MYO9B: variants seen among roughly 807,000 people sequenced by gnomAD.
The protein encoded by MYO9B is unconventional myosin-IXb.
MYO9B carries 71 observed loss-of-function variants against 229.5 expected under a neutral mutation model. The ratio of observed to expected loss-of-function variants is 0.31; its 90% CI spans 0.26 to 0.38. The LOEUF is 0.38. Among genes scored for constraint, MYO9B ranks in the 10% least tolerant of loss-of-function variants. The pLI is 1.00. For missense variants in MYO9B, 2,255 were observed against 2,920.5 expected (o/e 0.77, Z 5.25); for synonymous variants, 1,185 against 1,235.8 (o/e 0.96, Z 0.86).
Position 17,194,704 on chromosome 19 carries a change from G to C in MYO9B, c.3277G>C (p.Asp1093His). ...TGAGCAGGGGCCGGAGCCAGCGGAG[G>C]ATGGCGGGCACCTGGCATCGGAGCC... Reference protein sequence around the residue: ...VAEQGPEPAEDGGHLASEPEV... With the variant: ...VAEQGPEPAEHGGHLASEPEV... Residue 1093 changes from aspartate to histidine, a missense_variant, in exon 22 of 40, where the codon GAT (aspartate) becomes CAT (histidine). Around this residue, in one of 7 missense-constraint regions of MYO9B, gnomAD observed 679 missense variants for 770.2 expected, o/e 0.88. Transcript: ENST00000682292. The C allele has an allele frequency of 6.2e-7, 1 of 1,612,926 alleles. No individual in the cohort carries two copies. The highest frequency in any genetic ancestry group is 1.3e-5 in the African/African-American group (1 of 75,062).
In MYO9B at chr19:17,206,368, G is replaced by A. The variant is rs764277555; in HGVS notation, c.5378G>A (p.Arg1793Gln). Reference protein sequence around the residue: ...MTFAQYGDFLRAVELPEKQEQ... With the variant: ...MTFAQYGDFLQAVELPEKQEQ... ...TTCGCACAGTACGGCGACTTCCTCC[G>A]AGCCGTCGGTGAGCCCCATGGCGGT... The change falls in exon 33 of 40, where the codon CGA (arginine) becomes CAA (glutamine). Residue 1793 changes from arginine (R) to glutamine (Q), a missense_variant. Transcript: ENST00000682292. 5 of 1,610,218 alleles carry A rather than the reference G, an allele frequency of 3.1e-6. No individual in the cohort carries two copies. The highest frequency in any genetic ancestry group is 2.2e-5 in the East Asian group (1 of 44,860).
Position 17,193,328 on chromosome 19 carries a change from G to C in MYO9B, c.3128+266G>C, listed in dbSNP as rs891195135. On this transcript the variant is annotated intron_variant, in intron 21 of 39. Coordinates refer to ENST00000682292, the MANE Select transcript of MYO9B (RefSeq NM_004145.4). The surrounding 1 kb of genome is among the most constrained non-coding windows in gnomAD (Gnocchi z 4.3). ...CTGCCCAGGGACTCCCCTGTACCTG[G>C]ATCGGTCAGGGAACACCTGGATTCA... Among the ~76,000 whole-genome samples the C allele has an allele frequency of 5.3e-5, 8 of 152,196 alleles. No individual in the cohort carries two copies.
At chr19:17,183,896 C>A in intron 16 of MYO9B, 28 bp downstream of exon 16, 1 of 1,550,938 alleles carries the variant, frequency 6.4e-7, no homozygotes, top group Non-Finnish European at 8.7e-7. Flanking sequence ...CCCCGCGCGA[C>A]ACGTTCCAAG....
Position 17,086,092 on chromosome 19 carries a change from A to C in MYO9B, c.-59+10218A>C, listed in dbSNP as rs377191469. Among the ~76,000 whole-genome samples, 466 of 152,268 alleles carry C rather than the reference A, an allele frequency of 3.1e-3. 5 individuals carry two copies. The highest frequency in any genetic ancestry group is 0.011 in the African/African-American group (456 of 41,562). The stretch of plus-strand genomic sequence containing the variant: ...ACGTGCTTCCACCAAGGCCCCCCAG[A>C]GTCCATCTGCCACAGATGGTGACAT... On this transcript the variant is annotated intron_variant, in intron 1 of 39. Transcript: ENST00000682292.
chr19:17,204,044 T>G (rs2145500977), intron 30 of MYO9B, among the ~76,000 whole-genome samples: 1 of 152,084 alleles, frequency 6.6e-6, no homozygotes, highest in South Asian at 2.1e-4. Flanking sequence ...CTCCTACATG[T>G]GTTTTTCTGC....
At chr19:17,198,454 A>T in intron 24 of MYO9B, 146 bp downstream of exon 24, 1 of 1,187,940 alleles carries the variant, frequency 8.4e-7, no homozygotes. Flanking sequence ...CTGAATGGGG[A>T]GGCCAGGCAG....
At position 17,145,475 on chromosome 19, in the gene MYO9B, A is replaced by G. The variant is rs2072397548; in HGVS notation, c.919A>G (p.Ser307Gly). 6.2e-7 allele frequency: 1 copy of G among 1,613,778 alleles called. No individual in the cohort carries two copies. Among genetic ancestry groups the G allele is most frequent in the Non-Finnish European group, 8.5e-7 (1 of 1,179,866 alleles). The change falls in exon 3 of 40, where the codon AGT becomes GGT. Residue 307 changes from serine to glycine, a missense_variant. Ser to Gly is a moderately conservative substitution (Grantham distance 56). This residue lies in a region of MYO9B where 386 missense variants were observed against 515.2 expected (regional missense o/e 0.75). Transcript: ENST00000682292. ...GKFIQVSYLE[S>G]GIVRGAVVEK... ...ATTCATCCAAGTCAGCTACCTAGAG[A>G]GTGGCATCGTGAGAGGGTGAGGTGT...
At chr19:17,206,615 G>A (rs572288777) in intron 33 of MYO9B, 64 bp from the exon 34 acceptor site, 8 of 1,429,670 alleles carry the variant, frequency 5.6e-6, no homozygotes, top group Non-Finnish European at 6.7e-6. Flanking sequence ...GGTCGTGTTG[G>A]TGGGGACAAC....
rs1342045228 is a variant in MYO9B, at chr19:17,206,055, G to A, written c.5160G>A (p.Leu1720=). The change falls in exon 32 of 40, where the codon CTG becomes CTA. Residue 1720 remains leucine, a synonymous_variant. Transcript: ENST00000682292. The part of the protein sequence containing the change: ...ASVPIVLEKL[L]EHVEMHGLYT... ...TGCCCATCGTGCTGGAGAAGCTCCT[G>A]GAACACGTGGAGATGCACGGCCTGT... 2 of 1,610,774 alleles carry A rather than the reference G, an allele frequency of 1.2e-6. No homozygotes were observed. The highest frequency in any genetic ancestry group is 4.5e-5 in the East Asian group (2 of 44,770).
chr19:17,107,624 G>C (rs1429990066), intron 2 of MYO9B, among the ~76,000 whole-genome samples: 1 of 152,218 alleles, frequency 6.6e-6, no homozygotes, highest in Admixed American at 6.5e-5. Flanking sequence ...TCCCGGCTCT[G>C]GGGGAGGATG....
intron 22 of MYO9B, among the ~76,000 whole-genome samples, chr19:17,196,925 A>G (rs2073049398): frequency 6.6e-6 from 1 of 151,928 alleles, no homozygotes; most frequent in African/African-American, 2.4e-5. Flanking sequence ...GGATGGATAG[A>G]TGATAGGTAG....
chr19:17,207,678 C>A (rs1005404251), intron 35 of MYO9B: 21 of 151,926 alleles, frequency 1.4e-4, no homozygotes, highest in African/African-American at 5.1e-4. Context: ...GAGTTTGAGA[C>A]CAGCCTGACC....
intron 1 of MYO9B, among the ~76,000 whole-genome samples, chr19:17,076,880 T>G (rs1385749473): frequency 6.6e-6 from 1 of 152,066 alleles, no homozygotes; most frequent in Non-Finnish European, 1.5e-5. Context: ...TAAAACGACA[T>G]ACAGGAAATC....
intron 6 of MYO9B, among the ~76,000 whole-genome samples, chr19:17,155,141 A>G (rs1254865208): frequency 6.6e-6 from 1 of 152,092 alleles, no homozygotes; most frequent in Admixed American, 6.6e-5. Context: ...TCTAAAAATC[A>G]AAGAAGTTAA....
intron 2 of MYO9B, among the ~76,000 whole-genome samples, chr19:17,137,003 G>A (rs375268234): frequency 3.9e-5 from 6 of 152,288 alleles, no homozygotes; most frequent in African/African-American, 1.4e-4. Flanking sequence ...GCCGAGGCGG[G>A]CAGATCACCT....
At chr19:17,076,805 G>A (rs192744157) in intron 1 of MYO9B, among the ~76,000 whole-genome samples, 3 of 152,326 alleles carry the variant, frequency 2.0e-5, no homozygotes, top group Admixed American at 1.3e-4. Flanking sequence ...GAGGGAGTGT[G>A]CATGCACCCT....
chr19:17,210,922 T>C, intron 38 of MYO9B, 74 bp downstream of exon 38: 1 of 1,523,716 alleles, frequency 6.6e-7, no homozygotes, highest in Non-Finnish European at 8.9e-7. Flanking sequence ...TCCCTGGTGG[T>C]CCGCTTGACC....
chr19:17,166,001 C>T (rs1432177173), intron 10 of MYO9B, among the ~76,000 whole-genome samples: 1 of 152,102 alleles, frequency 6.6e-6, no homozygotes, highest in African/African-American at 2.4e-5. Context: ...CTATCTGGCC[C>T]ATTACAGAGA....
chr19:17,159,336 C>A, intron 7 of MYO9B, 59 bp from the exon 8 acceptor site: 1 of 1,451,630 alleles, frequency 6.9e-7, no homozygotes, highest in South Asian at 1.2e-5. Context: ...GATACCAGGA[C>A]ATGCCTGATA....
Sources: allele counts gnomAD v4.1 joint callset (sites outside exome capture counted in the v4.1 genomes callset), GRCh38; gene constraint gnomAD v4.1.1; regional missense constraint gnomAD v4.1.1; non-coding constraint Gnocchi (gnomAD v3.1); transcripts MANE v1.5; gene names NCBI Gene and HGNC (gene_info 2026-07-23, HGNC 2026-07-21).